CEP63: variants seen among roughly 807,000 people sequenced by gnomAD.
CEP63 encodes centrosomal protein of 63 kDa.
In CEP63, 84 loss-of-function variants were observed where a neutral mutation model predicts 89.1. The ratio of observed to expected loss-of-function variants is 0.94; its 90% confidence interval spans 0.79 to 1.13. CEP63 has a LOEUF of 1.13. Among genes scored for constraint, CEP63 ranks in the 50% most tolerant of loss-of-function variants. CEP63 has a pLI of 0.00. For synonymous variants in CEP63, 267 were observed against 272.5 expected (o/e 0.98, Z 0.20); for missense variants, 838 against 813.3 (o/e 1.03, Z -0.37).
the CEP63 span, among the ~76,000 whole-genome samples, chr3:134,626,890 C>T: frequency 6.6e-6 from 1 of 152,188 alleles, no homozygotes. Context: ...TTTTCAGTGC[C>T]CTCTTGCTCT....
chr3:134,547,218 C>A, intron 8 of CEP63, 117 bp from the exon 9 acceptor site: 1 of 880,746 alleles, frequency 1.1e-6, no homozygotes, highest in Non-Finnish European at 1.8e-6. Context: ...AAGCAGGAGA[C>A]AAACTTGAAG....
At chr3:134,599,587 A>G in the CEP63 span, among the ~76,000 whole-genome samples, 2 of 152,230 alleles carry the variant, frequency 1.3e-5, no homozygotes, top group African/African-American at 4.8e-5. Context: ...GTAGGCTGAT[A>G]GGCATTTTTG....
At chr3:134,752,796 G>A in the CEP63 span, among the ~76,000 whole-genome samples, 6 of 152,110 alleles carry the variant, frequency 3.9e-5, no homozygotes, top group African/African-American at 1.4e-4. Context: ...GGGCTGACAA[G>A]TGAGGGCTCC....
the CEP63 span, chr3:134,650,920 A>G: frequency 1.2e-6 from 2 of 1,613,314 alleles, no homozygotes; most frequent in South Asian, 1.1e-5. Context: ...GATCAGCAGC[A>G]TGTCGATAGA....
At chr3:134,557,706 T>A (rs1212271949) in intron 12 of CEP63, among the ~76,000 whole-genome samples, 1 of 152,202 alleles carries the variant, frequency 6.6e-6, no homozygotes, top group Non-Finnish European at 1.5e-5. Flanking sequence ...AAGTTGTCCC[T>A]GCCAGCCAGA....
the CEP63 span, among the ~76,000 whole-genome samples, chr3:134,714,440 G>C: frequency 1.3e-5 from 2 of 152,260 alleles, no homozygotes; most frequent in African/African-American, 4.8e-5. Flanking sequence ...TGTGTCCACT[G>C]GTGCTTTTTG....
chr3:134,774,331 C>T, the CEP63 span, among the ~76,000 whole-genome samples: 13 of 152,208 alleles, frequency 8.5e-5, no homozygotes, highest in South Asian at 4.1e-4. Context: ...CAACTTAGCA[C>T]ACAAACTTAA....
chr3:134,697,186 G>A, the CEP63 span, among the ~76,000 whole-genome samples: 1 of 152,236 alleles, frequency 6.6e-6, no homozygotes, highest in Non-Finnish European at 1.5e-5. Context: ...CTGTGAGACA[G>A]GGAATGGATT....
At chr3:134,500,257 G>T (rs949547757) in intron 2 of CEP63, among the ~76,000 whole-genome samples, 2 of 152,098 alleles carry the variant, frequency 1.3e-5, no homozygotes, top group African/African-American at 4.8e-5. Flanking sequence ...CATCCACATT[G>T]CTGCAAAGAA....
the CEP63 span, among the ~76,000 whole-genome samples, chr3:134,756,479 G>C: frequency 6.6e-6 from 1 of 152,186 alleles, no homozygotes; most frequent in Non-Finnish European, 1.5e-5. Context: ...AAGTAGCTGG[G>C]GGTAGCTAAG....
At chr3:134,515,713 A>G (rs567766452) in intron 3 of CEP63, among the ~76,000 whole-genome samples, 32 of 152,332 alleles carry the variant, frequency 2.1e-4, no homozygotes, top group African/African-American at 7.5e-4. Context: ...ATCTACTATA[A>G]CAGGAGTTTC....
the CEP63 span, chr3:134,601,018 C>T: frequency 6.6e-6 from 1 of 152,346 alleles, no homozygotes; most frequent in East Asian, 1.9e-4. Context: ...CTTCGGACAC[C>T]TGGGGGCGCC....
At chr3:134,720,202 C>G in the CEP63 span, among the ~76,000 whole-genome samples, 1 of 152,086 alleles carries the variant, frequency 6.6e-6, no homozygotes, top group Admixed American at 6.6e-5. Context: ...ATTTGCATTT[C>G]TCTAATAACC....
chr3:134,556,607 CTCTTA>C (rs1483722395), intron 12 of CEP63, among the ~76,000 whole-genome samples: 1 of 152,108 alleles, frequency 6.6e-6, no homozygotes, highest in Non-Finnish European at 1.5e-5. Flanking sequence ...GGTTGAGAGA[CTCTTA>C]TCTTATGCAG....
At chr3:134,608,541 C>T in the CEP63 span, 6 of 1,602,794 alleles carry the variant, frequency 3.7e-6, no homozygotes, top group Admixed American at 1.7e-5. Flanking sequence ...ACAAGCCATG[C>T]GTCTGGAAGG....
chr3:134,506,366 C>T (rs965783639), intron 2 of CEP63, among the ~76,000 whole-genome samples: 7 of 152,160 alleles, frequency 4.6e-5, no homozygotes, highest in East Asian at 1.9e-4. Flanking sequence ...TTATCACTTT[C>T]CTGCATGATA....
the CEP63 span, among the ~76,000 whole-genome samples, chr3:134,739,436 C>CTT: frequency 2.0e-5 from 3 of 152,218 alleles, no homozygotes; most frequent in East Asian, 5.8e-4. Flanking sequence ...TCAAGAAACT[C>CTT]TTATATATAT....
At chr3:134,639,645 C>T in the CEP63 span, among the ~76,000 whole-genome samples, 1 of 152,022 alleles carries the variant, frequency 6.6e-6, no homozygotes, top group East Asian at 1.9e-4. Context: ...AAAACTGACT[C>T]CTCAAGAATG....
At chr3:134,500,376 A>G (rs376757186) in intron 2 of CEP63, among the ~76,000 whole-genome samples, 12 of 152,204 alleles carry the variant, frequency 7.9e-5, no homozygotes, top group Middle Eastern at 3.4e-3. Flanking sequence ...CATGTCTGCT[A>G]TTGTGATTGG....
Sources: gnomAD v4.1 joint callset for allele counts (sites outside exome capture counted in the v4.1 genomes callset) on GRCh38, gnomAD v4.1.1 for gene constraint, MANE v1.5 for transcripts, NCBI Gene and HGNC (gene_info 2026-07-23, HGNC 2026-07-21) for gene names.